The following PPFIBP1 variants were observed in gnomAD, a reference collection of about 807,000 sequenced individuals.
PPFIBP1 encodes the protein liprin-beta-1.
A neutral mutation model predicts 137.8 loss-of-function variants in PPFIBP1; 112 were observed. That is an observed-to-expected ratio of 0.81 (90% CI 0.70 to 0.95). PPFIBP1 has a LOEUF of 0.95. Ranked by LOEUF, PPFIBP1 falls within the 40% of genes least tolerant of loss-of-function variation. The pLI is 0.00. For missense variants in PPFIBP1, 1,083 were observed against 1,196.6 expected (o/e 0.91, Z 1.40); for synonymous variants, 378 against 417.3 (o/e 0.91, Z 1.15).
chr12:27,552,948 G>A lies in PPFIBP1; in HGVS notation c.-123-25204G>A, dbSNP rs147790787. On this transcript the variant is annotated intron_variant, in intron 1 of 29. Coordinates refer to ENST00000228425, the MANE Select transcript of PPFIBP1 (RefSeq NM_003622.4). ...AGGGTGATCGGACACCTGGGGGATG[G>A]TGGAGGATGAGGAGACTGATCAGAT... Among the ~76,000 whole-genome samples the A allele has an allele frequency of 1.6e-4, 24 of 152,230 alleles. 1 individual carries two copies. The East Asian group carries it at 3.5e-3, about 22-fold the overall frequency.
intron 1 of PPFIBP1, among the ~76,000 whole-genome samples, chr12:27,537,809 A>G (rs1050531567): frequency 9.9e-5 from 15 of 151,752 alleles, no homozygotes; most frequent in African/African-American, 3.6e-4. Flanking sequence ...TCTTGGGTTT[A>G]CTCTTAAGGC....
At chr12:27,676,670 T>C in intron 18 of PPFIBP1, 71 bp downstream of exon 18, 1 of 1,316,518 alleles carries the variant, frequency 7.6e-7, no homozygotes, top group Non-Finnish European at 1.0e-6. Context: ...TTCCCTTCCC[T>C]TACTCTTTCA....
At chr12:27,594,515 T>A (rs1023036886) in intron 2 of PPFIBP1, among the ~76,000 whole-genome samples, 1 of 152,176 alleles carries the variant, frequency 6.6e-6, no homozygotes, top group African/African-American at 2.4e-5. Flanking sequence ...CCATTTAGAT[T>A]GAAGTCTTAT....
intron 2 of PPFIBP1, among the ~76,000 whole-genome samples, chr12:27,609,246 A>G (rs1462871153): frequency 6.6e-6 from 1 of 152,208 alleles, no homozygotes; most frequent in Non-Finnish European, 1.5e-5. Flanking sequence ...GGTATCCACT[A>G]CTTTATAGAA....
intron 1 of PPFIBP1, among the ~76,000 whole-genome samples, chr12:27,526,440 C>T (rs528339181): frequency 2.6e-5 from 4 of 151,950 alleles, no homozygotes; most frequent in Non-Finnish European, 4.4e-5. Context: ...TAGGAAAACA[C>T]GGAATACTTA....
intron 2 of PPFIBP1, among the ~76,000 whole-genome samples, chr12:27,615,786 C>A: frequency 6.6e-6 from 1 of 152,122 alleles, no homozygotes; most frequent in East Asian, 1.9e-4. Flanking sequence ...GTCCACAGGG[C>A]AGGGTCAGGG....
intron 7 of PPFIBP1, among the ~76,000 whole-genome samples, chr12:27,651,386 G>A (rs1183401432): frequency 6.6e-6 from 1 of 151,938 alleles, no homozygotes; most frequent in Admixed American, 6.6e-5. Context: ...GAGGTTACAG[G>A]CATGAGTCAC....
chr12:27,629,109 G>A (rs2057076895), intron 2 of PPFIBP1, among the ~76,000 whole-genome samples: 1 of 152,140 alleles, frequency 6.6e-6, no homozygotes, highest in African/African-American at 2.4e-5. Context: ...ATTACAGAGG[G>A]CACCAATTAC....
At chr12:27,528,729 T>C (rs572571329) in intron 1 of PPFIBP1, among the ~76,000 whole-genome samples, 1 of 152,146 alleles carries the variant, frequency 6.6e-6, no homozygotes, top group Admixed American at 6.5e-5. Flanking sequence ...GGATTTTAGA[T>C]AAAAGAAATA....
intron 26 of PPFIBP1, 51 bp from the exon 27 acceptor site, chr12:27,688,964 T>A (rs752713533): frequency 3.2e-6 from 5 of 1,545,856 alleles, no homozygotes; most frequent in Admixed American, 1.9e-5. Context: ...AATACAAACA[T>A]GTATGATTTG....
chr12:27,654,934 A>T, intron 8 of PPFIBP1, 120 bp downstream of exon 8: 1 of 1,422,226 alleles, frequency 7.0e-7, no homozygotes, highest in Non-Finnish European at 9.3e-7. Flanking sequence ...TTTAAAAGTA[A>T]ATGAAGATTT....
At chr12:27,691,492 TAAG>T (rs966399956) in intron 27 of PPFIBP1, among the ~76,000 whole-genome samples, 4 of 152,344 alleles carry the variant, frequency 2.6e-5, no homozygotes, top group Non-Finnish European at 4.4e-5. Flanking sequence ...TTGGCGTGAA[TAAG>T]AAGAATAAGG....
At chr12:27,602,358 G>A (rs1400029398) in intron 2 of PPFIBP1, among the ~76,000 whole-genome samples, 1 of 152,208 alleles carries the variant, frequency 6.6e-6, no homozygotes, top group Non-Finnish European at 1.5e-5. Flanking sequence ...TGCATACATT[G>A]TGAAATGATT....
rs184250045 is a variant in PPFIBP1, at chr12:27,694,840, T to C, written c.*1958T>C. 6.6e-6 allele frequency: 1 copy of C among 152,348 alleles called. No homozygotes were observed. Among genetic ancestry groups the C allele is most frequent in the Admixed American group, 6.5e-5 (1 of 15,302 alleles). The allele number at this position is 152,348 out of a possible 1,614,324, so 9.4% of individuals were successfully genotyped here. On this transcript the variant is annotated 3_prime_UTR_variant, in exon 30 of 30. Transcript: ENST00000228425. ...TTCAGTATCTGCCACTGGACTTGAT[T>C]ATAAACTGTATTTGAATATCAGTGG...
chr12:27,590,512 C>T (rs1413387943), intron 2 of PPFIBP1, among the ~76,000 whole-genome samples: 1 of 152,124 alleles, frequency 6.6e-6, no homozygotes, highest in Non-Finnish European at 1.5e-5. Context: ...GGAACTAAGA[C>T]CTGGTGGTTG....
At chr12:27,593,129 C>CAAA (rs33939858) in intron 2 of PPFIBP1, among the ~76,000 whole-genome samples, 12 of 100,938 alleles carry the variant, frequency 1.2e-4, no homozygotes, top group East Asian at 3.3e-4. Flanking sequence ...AAGAATGTCT[C>CAAA]AAAAAAAAAA....
At chr12:27,601,774 G>A (rs1447554529) in intron 2 of PPFIBP1, among the ~76,000 whole-genome samples, 5 of 152,116 alleles carry the variant, frequency 3.3e-5, no homozygotes, top group Admixed American at 6.5e-5. Context: ...CATCTAGCAC[G>A]GCCATGAACA....
intron 2 of PPFIBP1, chr12:27,594,154 C>G: frequency 2.4e-6 from 1 of 422,404 alleles, no homozygotes; most frequent in Admixed American, 4.8e-5. Context: ...TAAGCAAAAA[C>G]ATTATCCATC....
At chr12:27,674,126 T>G in intron 16 of PPFIBP1, 66 bp from the exon 17 acceptor site, 1 of 1,262,828 alleles carries the variant, frequency 7.9e-7, no homozygotes, top group Non-Finnish European at 1.1e-6. Context: ...GAGTTGTATG[T>G]GACAAATTCA....
Sources: allele counts gnomAD v4.1 joint callset (sites outside exome capture counted in the v4.1 genomes callset), GRCh38; gene constraint gnomAD v4.1.1; transcripts MANE v1.5; gene names NCBI Gene and HGNC (gene_info 2026-07-23, HGNC 2026-07-21).